The following ETS1 variants were observed in gnomAD, a reference collection of about 807,000 sequenced individuals.
The protein encoded by ETS1 is ETS proto-oncogene 1, transcription factor, also known as protein C-ets-1.
ETS1 carries 15 observed loss-of-function variants against 58.6 expected under a neutral mutation model. The ratio of observed to expected loss-of-function variants is 0.26; its 90% CI spans 0.17 to 0.39. The LOEUF is 0.39. Ranked by LOEUF, ETS1 falls within the 10% of genes least tolerant of loss-of-function variation. The pLI, the probability that ETS1 is intolerant of heterozygous loss-of-function variation, is 1.00. For missense variants in ETS1, 417 were observed against 610.5 expected, an observed-to-expected ratio of 0.68 and a Z score of 3.34; for synonymous variants, 214 against 218.2, an observed-to-expected ratio of 0.98 and a Z score of 0.17.
intron 2 of ETS1, among the ~76,000 whole-genome samples, chr11:128,564,990 A>T (rs1019424823): frequency 6.6e-6 from 1 of 151,326 alleles, no homozygotes; most frequent in Non-Finnish European, 1.5e-5. Flanking sequence ...AAATACATGA[A>T]TGAAAATACA....
At chr11:128,481,623 G>T (rs1862488498) in intron 7 of ETS1, among the ~76,000 whole-genome samples, 1 of 152,272 alleles carries the variant, frequency 6.6e-6, no homozygotes, top group Admixed American at 6.5e-5. Context: ...AGAAATATCC[G>T]TAAGTCAACT....
chr11:128,512,393 T>C (rs1002312719), intron 3 of ETS1, among the ~76,000 whole-genome samples: 1 of 152,142 alleles, frequency 6.6e-6, no homozygotes, highest in Non-Finnish European at 1.5e-5. Flanking sequence ...TCCTTGTTTT[T>C]CCCCCAAAAA....
intron 8 of ETS1, among the ~76,000 whole-genome samples, chr11:128,468,740 G>C (rs1190207393): frequency 6.6e-6 from 1 of 152,130 alleles, no homozygotes; most frequent in Non-Finnish European, 1.5e-5. Flanking sequence ...TTTGGTCTCT[G>C]TCCATTTCTC....
rs1393166740 is a variant in ETS1 at position 128,572,996 on chromosome 11, A to T, written c.69+66T>A. 7.7e-6 allele frequency: 10 copies of T among 1,306,710 alleles called. No individual in the cohort carries two copies. In the Middle Eastern group the frequency reaches 5.9e-4, roughly 77 times the overall value. 80.9% of individuals were successfully genotyped at this position (1,306,710 alleles called of 1,614,324 possible). ...CTCTGTCTACTGGGGGTCAGGATAC[A>T]GGAAGCACAAGGAGGAGGGGAGAAG... is the stretch of plus-strand genomic sequence containing the variant. On this transcript the variant is annotated intron_variant, in intron 2 of 9. Coordinates refer to ENST00000392668, the MANE Select transcript of ETS1 (RefSeq NM_001143820.2).
chr11:128,521,856 G>A (rs1318246726), intron 3 of ETS1: 20 of 1,465,206 alleles, frequency 1.4e-5, no homozygotes, highest in Admixed American at 2.0e-5. Context: ...AGAAGTCCAG[G>A]GGACCCCCGG....
rs112205571 is a variant in ETS1 at position 128,463,377 on chromosome 11, T to C, written c.1242+132A>G. On this transcript the variant is annotated intron_variant, in intron 9 of 9. Coordinates refer to ENST00000392668, the MANE Select transcript of ETS1 (RefSeq NM_001143820.2). This position sits in a 1 kb window ranked among gnomAD's most constrained non-coding sequence, Gnocchi z 4.1. ...CTGGAGCTCAGACAGGCTACCTAGC[T>C]TGCTCCGGGTGGCAAGTGGCAGAGC... 9.5e-3 allele frequency: 6,258 copies of C among 662,126 alleles called. 60 individuals are homozygous for C. Among genetic ancestry groups the C allele is most frequent in the African/African-American group, 0.028 (1,550 of 55,936 alleles). 41.0% of individuals were successfully genotyped at this position (662,126 alleles called of 1,614,324 possible). A position where few individuals can be genotyped will look rare whatever the true frequency, so the allele number is the denominator to read the frequency against.
chr11:128,567,827 T>C (rs2135572650), intron 2 of ETS1, among the ~76,000 whole-genome samples: 1 of 151,912 alleles, frequency 6.6e-6, no homozygotes. Context: ...AGAGACGGGG[T>C]TTTATCATGT....
chr11:128,582,904 A>G (rs1285085954), intron 1 of ETS1, among the ~76,000 whole-genome samples: 1 of 151,624 alleles, frequency 6.6e-6, no homozygotes, highest in Non-Finnish European at 1.5e-5. Flanking sequence ...AAATATAAGG[A>G]AGTAGTAAAG....
At chr11:128,569,318 C>CTTTTTTTTTTTTTTT (rs398018017) in intron 2 of ETS1, among the ~76,000 whole-genome samples, 3,911 of 39,352 alleles carry the variant, frequency 0.099, 1,430 homozygotes, top group Non-Finnish European at 0.12. Flanking sequence ...AGAGTTTCTT[C>CTTTTTTTTTTTTTTT]TTTTTTTTTT....
intron 1 of ETS1, among the ~76,000 whole-genome samples, chr11:128,585,046 AAG>A (rs1565421199): frequency 3.0e-4 from 7 of 23,264 alleles, no homozygotes; most frequent in African/African-American, 4.1e-4. Context: ...GAAAGAAAGA[AAG>A]AAAGAAAGAA....
intron 3 of ETS1, among the ~76,000 whole-genome samples, chr11:128,541,935 G>A (rs901592155): frequency 1.3e-4 from 20 of 152,164 alleles, no homozygotes; most frequent in Admixed American, 1.2e-3. Flanking sequence ...GGCTCCACAC[G>A]AGAACAATGT....
In ETS1 at chr11:128,527,175, C is replaced by T. The variant is rs1387077361; in HGVS notation, c.214+29116G>A. 1.8e-5 allele frequency: 6 copies of T among 331,802 alleles called. No homozygotes were observed. In the East Asian group the frequency reaches 4.8e-4, roughly 27 times the overall value. The allele number at this position is 331,802 out of a possible 1,614,324, so 20.6% of individuals were successfully genotyped here. On this transcript the variant is annotated intron_variant, in intron 3 of 9. Coordinates refer to ENST00000392668, the MANE Select transcript of ETS1 (RefSeq NM_001143820.2). ...TTTGGGCAAATACATTGCAGGATAA[C>T]CACACTATGGTTCCCTGTGGGAGAC...
chr11:128,459,348 G>T lies in ETS1; in HGVS notation c.*3013C>A, dbSNP rs949874939. On this transcript the variant is annotated 3_prime_UTR_variant, in exon 10 of 10. Coordinates refer to ENST00000392668, the MANE Select transcript of ETS1 (RefSeq NM_001143820.2). The stretch of plus-strand genomic sequence containing the variant: ...AGAGAGATGGTGTATTTCTCACCAT[G>T]AAGGTTAGGCAGGTTAATGCTGTAA... 2.0e-5 allele frequency: 3 copies of T among 152,740 alleles called. No homozygotes were observed. The highest frequency in any genetic ancestry group is 7.2e-5 in the African/African-American group (3 of 41,426). The allele number at this position is 152,740 out of a possible 1,614,324, so 9.5% of individuals were successfully genotyped here.
chr11:128,485,056 T>C lies in ETS1; in HGVS notation c.629A>G (p.His210Arg). The change falls in exon 7 of 10, where the codon CAT becomes CGT. Residue 210 changes from histidine to arginine, a missense_variant. By Grantham distance (29) the His-to-Arg change is conservative (BLOSUM62 0). Transcript: ENST00000392668. ...SDYFISYGIE[H>R]AQCVPPSEFS... ...CTCCGATGGTGGAACACACTGGGCA[T>C]GCTCAATACCATAGCCTGGAAACAA... 6.2e-7 allele frequency: 1 copy of C among 1,613,322 alleles called. No individual in the cohort carries two copies. The highest frequency in any genetic ancestry group is 8.5e-7 in the Non-Finnish European group (1 of 1,179,386).
intron 2 of ETS1, among the ~76,000 whole-genome samples, chr11:128,558,816 A>G (rs781575162): frequency 2.9e-4 from 44 of 152,238 alleles, no homozygotes; most frequent in Non-Finnish European, 5.4e-4. Context: ...CCCAACAATA[A>G]GCAGGTCTTT....
At chr11:128,540,628 T>C (rs1044106441) in intron 3 of ETS1, among the ~76,000 whole-genome samples, 2 of 152,168 alleles carry the variant, frequency 1.3e-5, no homozygotes, top group East Asian at 1.9e-4. Flanking sequence ...TGGAAAAATG[T>C]CTAACATTTC....
chr11:128,532,247 T>C (rs1591646629), intron 3 of ETS1, among the ~76,000 whole-genome samples: 1 of 152,364 alleles, frequency 6.6e-6, no homozygotes. Flanking sequence ...TAACTACCTA[T>C]GCTGACCAGT....
chr11:128,526,833 T>G, intron 3 of ETS1: 1 of 441,754 alleles, frequency 2.3e-6, no homozygotes, highest in Non-Finnish European at 4.5e-6. Context: ...TTGTCACATG[T>G]TAGAGCTCAA....
At chr11:128,514,883 T>C (rs559455045) in intron 3 of ETS1, among the ~76,000 whole-genome samples, 1 of 152,312 alleles carries the variant, frequency 6.6e-6, no homozygotes, top group African/African-American at 2.4e-5. Flanking sequence ...ATCTATGTAA[T>C]ATCACTTAAA....
Sources: gnomAD v4.1 joint callset for allele counts (sites outside exome capture counted in the v4.1 genomes callset) on GRCh38, gnomAD v4.1.1 for gene constraint, Gnocchi (gnomAD v3.1) non-coding constraint, MANE v1.5 for transcripts, NCBI Gene and HGNC (gene_info 2026-07-23, HGNC 2026-07-21) for gene names.